Variants in KITLG observed in about 807,000 individuals in gnomAD.
The protein encoded by KITLG is c-Kit ligand.
KITLG carries 13 observed loss-of-function variants against 34.1 expected under a neutral mutation model. That is an observed-to-expected ratio of 0.38 (90% CI 0.25 to 0.61). KITLG has a LOEUF of 0.61. KITLG is among the 20% of genes least tolerant of loss of function. The pLI is 0.60. For synonymous variants in KITLG, 110 were observed against 104.0 expected, an observed-to-expected ratio of 1.06 and a Z score of -0.35; for missense variants, 292 against 318.9, an observed-to-expected ratio of 0.92 and a Z score of 0.64.
intron 1 of KITLG, among the ~76,000 whole-genome samples, chr12:88,571,106 A>AT (rs962842547): frequency 1.3e-5 from 2 of 152,156 alleles, no homozygotes; most frequent in African/African-American, 2.4e-5. Flanking sequence ...ATTGGTTTTA[A>AT]TTTTTTTATT....
intron 3 of KITLG, among the ~76,000 whole-genome samples, chr12:88,522,865 C>T (rs1869725702): frequency 6.6e-6 from 1 of 152,122 alleles, no homozygotes; most frequent in African/African-American, 2.4e-5. Flanking sequence ...AGAGAGATAT[C>T]TATGTTCTTT....
At chr12:88,550,588 T>A (rs988563906) in intron 1 of KITLG, among the ~76,000 whole-genome samples, 1 of 152,220 alleles carries the variant, frequency 6.6e-6, no homozygotes, top group East Asian at 1.9e-4. Flanking sequence ...ATAACTTTCA[T>A]ATATCCTAAT....
At chr12:88,535,100 A>G (rs1018411474) in intron 2 of KITLG, among the ~76,000 whole-genome samples, 2 of 152,178 alleles carry the variant, frequency 1.3e-5, no homozygotes, top group African/African-American at 4.8e-5. Context: ...ATTAGTATTT[A>G]GAAAGTGTGG....
intron 2 of KITLG, among the ~76,000 whole-genome samples, chr12:88,538,439 C>G (rs1188994976): frequency 6.6e-6 from 1 of 151,504 alleles, no homozygotes; most frequent in Non-Finnish European, 1.5e-5. Flanking sequence ...TAGATAATTT[C>G]TATAAATTCA....
At chr12:88,527,223 G>A (rs538150402) in intron 3 of KITLG, among the ~76,000 whole-genome samples, 43 of 152,168 alleles carry the variant, frequency 2.8e-4, no homozygotes, top group Admixed American at 5.2e-4. Flanking sequence ...TGTTTCCTAA[G>A]AGCAGCAAAA....
At chr12:88,571,630 C>T (rs977365697) in intron 1 of KITLG, among the ~76,000 whole-genome samples, 3 of 152,164 alleles carry the variant, frequency 2.0e-5, no homozygotes, top group African/African-American at 7.2e-5. Flanking sequence ...ATCTAACAAC[C>T]TGAATTAGGT....
At chr12:88,572,448 G>A (rs1042162946) in intron 1 of KITLG, among the ~76,000 whole-genome samples, 3 of 150,936 alleles carry the variant, frequency 2.0e-5, no homozygotes, top group African/African-American at 7.3e-5. Flanking sequence ...TTAAAAAAAG[G>A]TACATTATTT....
chr12:88,549,667 T>C (rs1295502314), intron 1 of KITLG, among the ~76,000 whole-genome samples: 2 of 152,172 alleles, frequency 1.3e-5, no homozygotes, highest in African/African-American at 2.4e-5. Flanking sequence ...TGAGATATTC[T>C]AGTGATAATG....
chr12:88,563,602 G>A lies in KITLG; in HGVS notation c.15+16662C>T, dbSNP rs562109301. ...TCCAATTGTTTATCGTGAGATCCAT[G>A]GAATTATCCTTAGCATTCTCTCTAA... On this transcript the variant is annotated intron_variant, in intron 1 of 9. Coordinates refer to ENST00000644744, the MANE Select transcript of KITLG (RefSeq NM_000899.5). Among the ~76,000 whole-genome samples the A allele has an allele frequency of 1.1e-4, 16 of 152,296 alleles. No individual in the cohort carries two copies. In the East Asian group the frequency reaches 3.1e-3, roughly 29 times the overall value.
intron 2 of KITLG, among the ~76,000 whole-genome samples, chr12:88,543,765 A>T (rs1870605410): frequency 6.6e-6 from 1 of 152,192 alleles, no homozygotes; most frequent in South Asian, 2.1e-4. Flanking sequence ...TTAAGATAAC[A>T]TACATTAAAA....
At chr12:88,522,426 CTTTT>C (rs3060347) in intron 3 of KITLG, among the ~76,000 whole-genome samples, 27 of 105,712 alleles carry the variant, frequency 2.6e-4, no homozygotes, top group Admixed American at 3.9e-4. Context: ...GATGCACAGT[CTTTT>C]TTTTTTTTTT....
chr12:88,546,015 T>C, intron 1 of KITLG, 150 bp from the exon 2 acceptor site: 1 of 733,532 alleles, frequency 1.4e-6, no homozygotes, highest in Admixed American at 1.8e-5. Flanking sequence ...ATTCAAGCTA[T>C]GCTCACCAAA....
intron 1 of KITLG, among the ~76,000 whole-genome samples, chr12:88,548,241 G>A (rs1219369448): frequency 6.6e-6 from 1 of 152,104 alleles, no homozygotes; most frequent in Non-Finnish European, 1.5e-5. Flanking sequence ...GGATCACGAG[G>A]TCAGGAGATC....
intron 2 of KITLG, among the ~76,000 whole-genome samples, chr12:88,541,612 G>A (rs1043028130): frequency 1.3e-5 from 2 of 152,150 alleles, no homozygotes; most frequent in Admixed American, 1.3e-4. Context: ...ATAAAAGCTT[G>A]ATTCATCCTC....
chr12:88,539,431 C>T (rs1030380667), intron 2 of KITLG, among the ~76,000 whole-genome samples: 11 of 152,084 alleles, frequency 7.2e-5, no homozygotes, highest in South Asian at 2.1e-4. Flanking sequence ...TATCATCGTT[C>T]ACTCAGGTAC....
At chr12:88,514,742 T>C (rs2120831188) in intron 6 of KITLG, among the ~76,000 whole-genome samples, 1 of 151,866 alleles carries the variant, frequency 6.6e-6, no homozygotes, top group South Asian at 2.1e-4. Context: ...CAAGCTATTA[T>C]GAATTAGTAA....
At position 88,493,511 on chromosome 12, in the gene KITLG, C is replaced by T. The variant is rs983480866; in HGVS notation, c.*3708G>A. Reference sequence around the variant, plus strand: ...CAAATGAGCTAATTAGAATTTCAATCTGAATGGTTTTATTTTAAAGCCAAT... The same window carrying T: ...CAAATGAGCTAATTAGAATTTCAATTTGAATGGTTTTATTTTAAAGCCAAT... On this transcript the variant is annotated 3_prime_UTR_variant, in exon 10 of 10. Transcript: ENST00000644744. 2.6e-5 allele frequency: 4 copies of T among 151,986 alleles called. No homozygotes were observed. Among genetic ancestry groups the T allele is most frequent in the African/African-American group, 7.2e-5 (3 of 41,396 alleles). The allele number at this position is 151,986 out of a possible 1,614,324, so 9.4% of individuals were successfully genotyped here.
At chr12:88,556,985 T>C (rs1182652219) in intron 1 of KITLG, among the ~76,000 whole-genome samples, 1 of 152,108 alleles carries the variant, frequency 6.6e-6, no homozygotes, top group Non-Finnish European at 1.5e-5. Flanking sequence ...TCACAGTGGA[T>C]GGACTACAGG....
intron 9 of KITLG, among the ~76,000 whole-genome samples, chr12:88,502,738 T>C (rs1487912878): frequency 6.6e-6 from 1 of 152,132 alleles, no homozygotes; most frequent in Non-Finnish European, 1.5e-5. Context: ...AACCACATGA[T>C]TAAAGACCTG....
Sources: gnomAD v4.1 joint callset for allele counts (sites outside exome capture counted in the v4.1 genomes callset) on GRCh38, gnomAD v4.1.1 for gene constraint, MANE v1.5 for transcripts, NCBI Gene and HGNC (gene_info 2026-07-23, HGNC 2026-07-21) for gene names.